Variants in SEMA3A observed in about 807,000 individuals in gnomAD.
SEMA3A encodes the protein semaphorin 3A.
A neutral mutation model predicts 97.9 loss-of-function variants in SEMA3A; 29 were observed. That is an observed-to-expected ratio of 0.30 (90% CI 0.22 to 0.40). SEMA3A has a LOEUF of 0.40. SEMA3A is among the 10% of genes least tolerant of loss of function. SEMA3A has a pLI of 1.00. For missense variants in SEMA3A, 763 were observed against 951.3 expected (o/e 0.80, Z 2.60); for synonymous variants, 321 against 323.7 (o/e 0.99, Z 0.09).
At chr7:84,334,882 T>C (rs555828215) in intron 2 of SEMA3A, among the ~76,000 whole-genome samples, 90 of 148,302 alleles carry the variant, frequency 6.1e-4, no homozygotes, top group Non-Finnish European at 1.2e-3. Flanking sequence ...TCCCCCTAAG[T>C]CCCACGCCTC....
intron 1 of SEMA3A, among the ~76,000 whole-genome samples, chr7:84,473,520 C>T (rs1806207203): frequency 2.0e-5 from 3 of 151,560 alleles, no homozygotes; most frequent in African/African-American, 7.3e-5. Flanking sequence ...TCCTGAGTAG[C>T]TGGGATTACA....
intron 3 of SEMA3A, among the ~76,000 whole-genome samples, chr7:84,242,619 C>T (rs1052796978): frequency 3.9e-5 from 6 of 151,934 alleles, no homozygotes; most frequent in Non-Finnish European, 8.8e-5. Flanking sequence ...CCTTGAATAC[C>T]CTATGTTTCC....
intron 3 of SEMA3A, among the ~76,000 whole-genome samples, chr7:84,255,792 G>A (rs1028825427): frequency 2.7e-5 from 4 of 150,590 alleles, no homozygotes; most frequent in African/African-American, 9.7e-5. Flanking sequence ...AGAAACACTC[G>A]GCACTGATTT....
At chr7:84,329,864 G>T (rs562814286) in intron 2 of SEMA3A, among the ~76,000 whole-genome samples, 1 of 151,908 alleles carries the variant, frequency 6.6e-6, no homozygotes, top group East Asian at 1.9e-4. Context: ...GGGTCTCTCT[G>T]GCCTTGAAAT....
intron 3 of SEMA3A, among the ~76,000 whole-genome samples, chr7:84,270,672 AATATATATAGATATATATGC>A: frequency 6.7e-6 from 1 of 148,436 alleles, no homozygotes; most frequent in African/African-American, 2.5e-5. Flanking sequence ...TATATATATG[AATATATATAGATATATATGC>A]ATCTTTTATT....
At chr7:84,059,543 AATTTTTTAATCAAGATTT>A (rs1487897548) in intron 5 of SEMA3A, among the ~76,000 whole-genome samples, 5 of 152,036 alleles carry the variant, frequency 3.3e-5, no homozygotes, top group Admixed American at 3.3e-4. Context: ...ACCTAAATTT[AATTTTTTAATCAAGATTT>A]ATTATTTAAA....
intron 2 of SEMA3A, among the ~76,000 whole-genome samples, chr7:84,354,679 C>A (rs1221006936): frequency 6.6e-6 from 1 of 151,358 alleles, no homozygotes; most frequent in Non-Finnish European, 1.5e-5. Context: ...AGTACCTATT[C>A]TGTCAATTAT....
intron 1 of SEMA3A, among the ~76,000 whole-genome samples, chr7:84,463,856 CAATAT>C (rs985488610): frequency 4.6e-5 from 7 of 152,162 alleles, no homozygotes; most frequent in African/African-American, 1.7e-4. Context: ...ACATATATTA[CAATAT>C]AATTATATAC....
At chr7:84,313,376 A>ATGTG (rs1801407077) in intron 2 of SEMA3A, among the ~76,000 whole-genome samples, 1 of 78,822 alleles carries the variant, frequency 1.3e-5, no homozygotes. Context: ...ATATATATAT[A>ATGTG]TATATATATA....
intron 15 of SEMA3A, among the ~76,000 whole-genome samples, chr7:83,971,678 TAAG>T (rs1324423013): frequency 6.6e-6 from 1 of 152,118 alleles, no homozygotes. Flanking sequence ...AATGTGTAGT[TAAG>T]AACATGCATG....
intron 2 of SEMA3A, among the ~76,000 whole-genome samples, chr7:84,318,681 T>C (rs1801574586): frequency 6.6e-6 from 1 of 152,116 alleles, no homozygotes; most frequent in South Asian, 2.1e-4. Flanking sequence ...TCAGTGGGCA[T>C]AAAAAGCCTT....
At chr7:84,429,565 G>A (rs1225714904) in intron 1 of SEMA3A, among the ~76,000 whole-genome samples, 1 of 108,604 alleles carries the variant, frequency 9.2e-6, no homozygotes, top group Non-Finnish European at 1.8e-5. Flanking sequence ...GAGAGAGAGA[G>A]AGAGAGAGGT....
Position 84,060,565 on chromosome 7 carries a change from A to G in SEMA3A, c.454-7T>C. The G allele has an allele frequency of 6.5e-7, 1 of 1,540,528 alleles. No individual in the cohort carries two copies. The highest frequency in any genetic ancestry group is 8.7e-7 in the Non-Finnish European group (1 of 1,149,284). ...CCAGCTTAAAAATATTGTCCTGTGG[A>G]TTTAAAAAAGAAAGAGAAAAGGGTT... On this transcript the variant is annotated splice_region_variant and splice_polypyrimidine_tract_variant and intron_variant, in intron 4 of 16. Coordinates refer to ENST00000265362, the MANE Select transcript of SEMA3A (RefSeq NM_006080.3).
At chr7:84,444,094 C>A (rs1300273497) in intron 1 of SEMA3A, among the ~76,000 whole-genome samples, 1 of 151,926 alleles carries the variant, frequency 6.6e-6, no homozygotes, top group African/African-American at 2.4e-5. Context: ...CCATGTTGGC[C>A]AGGCTGGTCT....
intron 2 of SEMA3A, among the ~76,000 whole-genome samples, chr7:84,325,708 T>C (rs1437084028): frequency 6.6e-6 from 1 of 152,062 alleles, no homozygotes; most frequent in East Asian, 1.9e-4. Flanking sequence ...TTTTATTTTA[T>C]TTTAGATAAT....
intron 1 of SEMA3A, among the ~76,000 whole-genome samples, chr7:84,406,819 G>C (rs1311022061): frequency 6.6e-6 from 1 of 152,180 alleles, no homozygotes; most frequent in Non-Finnish European, 1.5e-5. Flanking sequence ...TATCTCAATA[G>C]ATGCAGAAAA....
chr7:84,073,304 T>C (rs1793811841), intron 4 of SEMA3A, among the ~76,000 whole-genome samples: 1 of 151,824 alleles, frequency 6.6e-6, no homozygotes, highest in Non-Finnish European at 1.5e-5. Context: ...GATGTGAGTG[T>C]AGGAGGCCAG....
At chr7:83,986,688 G>C (rs776695822) in intron 12 of SEMA3A, among the ~76,000 whole-genome samples, 9 of 152,130 alleles carry the variant, frequency 5.9e-5, no homozygotes, top group Non-Finnish European at 1.3e-4. Context: ...AGACCTCACT[G>C]TGTAGGTGAC....
chr7:84,413,637 A>AAAAC (rs920465747), intron 1 of SEMA3A, among the ~76,000 whole-genome samples: 3 of 151,768 alleles, frequency 2.0e-5, no homozygotes, highest in African/African-American at 4.8e-5. Context: ...CCCTGTGTCC[A>AAAAC]AAACAAACAA....
Sources: allele counts gnomAD v4.1 joint callset (sites outside exome capture counted in the v4.1 genomes callset), GRCh38; gene constraint gnomAD v4.1.1; transcripts MANE v1.5; gene names NCBI Gene and HGNC (gene_info 2026-07-23, HGNC 2026-07-21).